Variants in CADM2 observed in about 807,000 individuals in gnomAD.
The protein encoded by CADM2 is cell adhesion molecule 2, also known as immunoglobulin superfamily member 4D.
CADM2 carries 12 observed loss-of-function variants against 49.8 expected under a neutral mutation model. That is an observed-to-expected ratio of 0.24 (90% CI 0.15 to 0.39). The LOEUF is 0.39. Among genes scored for constraint, CADM2 ranks in the 10% least tolerant of loss-of-function variants. The pLI is 1.00. For synonymous variants in CADM2, 214 were observed against 175.4 expected, an observed-to-expected ratio of 1.22 and a Z score of -1.74; for missense variants, 378 against 492.3, an observed-to-expected ratio of 0.77 and a Z score of 2.20.
intron 1 of CADM2, among the ~76,000 whole-genome samples, chr3:85,134,741 T>G (rs961394136): frequency 6.6e-6 from 1 of 152,106 alleles, no homozygotes; most frequent in Non-Finnish European, 1.5e-5. Flanking sequence ...ACATAGAATT[T>G]TAAGGTAAAT....
chr3:85,353,297 C>T (rs1313206282), intron 1 of CADM2, among the ~76,000 whole-genome samples: 1 of 151,892 alleles, frequency 6.6e-6, no homozygotes, highest in Non-Finnish European at 1.5e-5. Flanking sequence ...AGAATCACAG[C>T]GAGGCCATTT....
At chr3:85,538,840 C>T (rs545782367) in intron 1 of CADM2, among the ~76,000 whole-genome samples, 2 of 151,894 alleles carry the variant, frequency 1.3e-5, no homozygotes, top group Admixed American at 6.6e-5. Context: ...GGAAAGAGTG[C>T]CTAATCAGCT....
intron 1 of CADM2, among the ~76,000 whole-genome samples, chr3:85,302,496 C>T (rs1576315116): frequency 6.6e-6 from 1 of 152,152 alleles, no homozygotes; most frequent in South Asian, 2.1e-4. Flanking sequence ...CCTACATATT[C>T]TCTCCATCTT....
intron 8 of CADM2, among the ~76,000 whole-genome samples, chr3:86,001,423 G>A (rs1730181302): frequency 1.3e-5 from 2 of 149,054 alleles, no homozygotes; most frequent in Non-Finnish European, 3.0e-5. Flanking sequence ...ACTTGTAGCA[G>A]TGCAAATTTA....
chr3:85,693,468 A>G lies in CADM2; in HGVS notation c.62-33054A>G, dbSNP rs577635286. ...AGTGGCGGGCGCCTGTAGTCCCAGC[A>G]ACTCTGGAGGCTGAGGCAGAAGAAT... is the stretch of plus-strand genomic sequence containing the variant. On this transcript the variant is annotated intron_variant, in intron 1 of 9. Coordinates refer to ENST00000383699, the MANE Select transcript of CADM2 (RefSeq NM_001167675.2). Among the ~76,000 whole-genome samples the G allele has an allele frequency of 9.7e-3, 1,440 of 149,082 alleles. 30 individuals are homozygous for G. The highest frequency in any genetic ancestry group is 0.034 in the African/African-American group (1,382 of 40,482).
chr3:85,120,758 A>G (rs562030206), intron 1 of CADM2, among the ~76,000 whole-genome samples: 1 of 152,210 alleles, frequency 6.6e-6, no homozygotes, highest in Non-Finnish European at 1.5e-5. Context: ...GCAAACCACC[A>G]TGGCACGTGT....
chr3:85,802,091 G>A lies in CADM2; in HGVS notation c.133G>A (p.Glu45Lys), dbSNP rs2072082957. 2 of 1,612,994 alleles carry A rather than the reference G, an allele frequency of 1.2e-6. No homozygotes were observed. Among genetic ancestry groups the A allele is most frequent in the Non-Finnish European group, 1.7e-6 (2 of 1,179,366 alleles). The change falls in exon 3 of 10, where the codon GAA becomes AAA. Residue 45 changes from glutamate to lysine, a missense_variant. Coordinates refer to ENST00000383699, the MANE Select transcript of CADM2 (RefSeq NM_001167675.2). ...FPLTQNVTVV[E>K]GGTAILTCRV... The stretch of plus-strand genomic sequence containing the variant: ...ACTAACACAGAATGTAACCGTTGTT[G>A]AAGGTGGAACTGCAATTTTGACCTG...
chr3:85,320,930 G>GT (rs2044581690), intron 1 of CADM2, among the ~76,000 whole-genome samples: 2 of 129,340 alleles, frequency 1.5e-5, no homozygotes, highest in Non-Finnish European at 3.4e-5. Flanking sequence ...ATTTCTGTTA[G>GT]ATTTTTTTTT....
chr3:85,521,400 T>TA (rs1454019509), intron 1 of CADM2, among the ~76,000 whole-genome samples: 1 of 152,152 alleles, frequency 6.6e-6, no homozygotes, highest in Non-Finnish European at 1.5e-5. Flanking sequence ...ATCAGCTACT[T>TA]ACGGCTATAC....
intron 1 of CADM2, among the ~76,000 whole-genome samples, chr3:85,257,284 C>A (rs2042909151): frequency 1.3e-5 from 2 of 152,092 alleles, no homozygotes; most frequent in African/African-American, 2.4e-5. Flanking sequence ...GGTGAAAAAA[C>A]ATCTCAAAAT....
intron 8 of CADM2, among the ~76,000 whole-genome samples, chr3:85,989,897 C>T (rs1468169417): frequency 6.6e-6 from 1 of 150,836 alleles, no homozygotes; most frequent in African/African-American, 2.4e-5. Flanking sequence ...CCTGCAATCC[C>T]AGCTACTCAG....
At chr3:84,998,580 G>C (rs904458735) in intron 1 of CADM2, among the ~76,000 whole-genome samples, 1 of 152,122 alleles carries the variant, frequency 6.6e-6, no homozygotes, top group African/African-American at 2.4e-5. Flanking sequence ...TTGAGCAAGA[G>C]TAGATTTGAC....
intron 1 of CADM2, among the ~76,000 whole-genome samples, chr3:85,708,781 A>G (rs2067026104): frequency 6.6e-6 from 1 of 152,176 alleles, no homozygotes; most frequent in African/African-American, 2.4e-5. Flanking sequence ...CACAGAACTA[A>G]GTGACAATGA....
At chr3:85,987,403 T>A (rs1728241541) in intron 8 of CADM2, among the ~76,000 whole-genome samples, 1 of 151,768 alleles carries the variant, frequency 6.6e-6, no homozygotes, top group South Asian at 2.1e-4. Flanking sequence ...TATATAGCAA[T>A]GAAAATATAT....
At chr3:85,742,319 A>C (rs1283747264) in intron 2 of CADM2, among the ~76,000 whole-genome samples, 1 of 152,148 alleles carries the variant, frequency 6.6e-6, no homozygotes, top group African/African-American at 2.4e-5. Context: ...TTATACATAC[A>C]TGTCTTTCTA....
Position 86,065,614 on chromosome 3 carries a change from C to G in CADM2, c.980C>G (p.Ala327Gly). ...TTCCTGTCTTTTCCAGATCCTAATGCTTTGGCTGGCCAGAATGGCCCTGAC... is the reference window on the plus strand; with the variant it reads ...TTCCTGTCTTTTCCAGATCCTAATGGTTTGGCTGGCCAGAATGGCCCTGAC... ...EYVLIVHDPN[A>G]LAGQNGPDHA... The change falls in exon 9 of 10, where the codon GCT becomes GGT. Residue 327 changes from alanine to glycine, a missense_variant. Ala to Gly is a moderately conservative substitution (Grantham distance 60). Coordinates refer to ENST00000383699, the MANE Select transcript of CADM2 (RefSeq NM_001167675.2). 1 of 1,612,610 alleles carries G rather than the reference C, an allele frequency of 6.2e-7. No individual in the cohort carries two copies. The highest frequency in any genetic ancestry group is 8.5e-7 in the Non-Finnish European group (1 of 1,179,456).
intron 1 of CADM2, among the ~76,000 whole-genome samples, chr3:85,391,516 G>C (rs566486852): frequency 6.7e-6 from 1 of 149,692 alleles, no homozygotes; most frequent in Non-Finnish European, 1.5e-5. Flanking sequence ...AGGCAAGGCA[G>C]AGACCGAAGA....
intron 1 of CADM2, among the ~76,000 whole-genome samples, chr3:85,464,814 TA>T (rs753718802): frequency 6.6e-6 from 1 of 152,198 alleles, no homozygotes; most frequent in Non-Finnish European, 1.5e-5. Flanking sequence ...CTTACAGTAA[TA>T]TTCTCTGTAC....
chr3:85,358,744 G>A (rs916834984), intron 1 of CADM2, among the ~76,000 whole-genome samples: 1 of 152,228 alleles, frequency 6.6e-6, no homozygotes, highest in Non-Finnish European at 1.5e-5. Flanking sequence ...TTATGAAGAC[G>A]TATTCACTGT....
Sources: allele counts gnomAD v4.1 joint callset (sites outside exome capture counted in the v4.1 genomes callset), GRCh38; gene constraint gnomAD v4.1.1; transcripts MANE v1.5; gene names NCBI Gene and HGNC (gene_info 2026-07-23, HGNC 2026-07-21).